The following IRF2BP1 variants were observed in gnomAD, a reference collection of about 807,000 sequenced individuals.
IRF2BP1 encodes interferon regulatory factor 2-binding protein 1.
In IRF2BP1, 9 loss-of-function variants were observed where a neutral mutation model predicts 38.6. The ratio of observed to expected loss-of-function variants is 0.23; its 90% CI spans 0.14 to 0.41. The LOEUF is 0.41. Among genes scored for constraint, IRF2BP1 ranks in the 10% least tolerant of loss-of-function variants. The probability of loss-of-function intolerance (pLI) is 1.00; values close to 1 mark genes in which losing one functional copy is unlikely to be tolerated. For missense variants in IRF2BP1, 631 were observed against 829.6 expected, an observed-to-expected ratio of 0.76 and a Z score of 2.94; for synonymous variants, 416 against 383.4, an observed-to-expected ratio of 1.08 and a Z score of -0.99.
At position 45,883,833 on chromosome 19, in the gene IRF2BP1, G is replaced by T; in HGVS notation, c.*187C>A. Reference sequence around the variant, plus strand: ...CCAAGGGACCCCAAACACCCCCTCGGACAGGAGCCACAAGCTTTCTCCCCC... The same window carrying T: ...CCAAGGGACCCCAAACACCCCCTCGTACAGGAGCCACAAGCTTTCTCCCCC... On this transcript the variant is annotated 3_prime_UTR_variant, in exon 1 of 1. Coordinates refer to ENST00000302165, the MANE Select transcript of IRF2BP1 (RefSeq NM_015649.3). 1 of 536,870 alleles carries T rather than the reference G, an allele frequency of 1.9e-6. No individual in the cohort carries two copies. Among genetic ancestry groups the T allele is most frequent in the Non-Finnish European group, 3.2e-6 (1 of 313,550 alleles). 33.3% of individuals were successfully genotyped at this position (536,870 alleles called of 1,614,324 possible).
chr19:45,884,869 C>T lies in IRF2BP1; in HGVS notation c.906G>A (p.Arg302=), dbSNP rs756320956. Residue 302 remains arginine (R), a synonymous_variant, in exon 1 of 1, where the codon CGG becomes CGA. Transcript: ENST00000302165. ...AAGAAGCCAGTGCCTTGCCCGGCTC[C>T]CGCAGAGCATCGTGGAACATCTGGC... ...VARQMFHDAL[R]EPGKALASSG... 6.2e-7 allele frequency: 1 copy of T among 1,613,098 alleles called. No homozygotes were observed. Among genetic ancestry groups the T allele is most frequent in the Admixed American group, 1.7e-5 (1 of 60,034 alleles).
Position 45,885,411 on chromosome 19 carries a change from G to T in IRF2BP1, c.364C>A (p.Pro122Thr). The T allele has an allele frequency of 6.3e-7, 1 of 1,588,584 alleles. No individual in the cohort carries two copies. Reference protein sequence around the residue: ...YDRATSSGRLPLPSPALEYTL... With the variant: ...YDRATSSGRLTLPSPALEYTL... ...TACTCCAGGGCGGGCGAGGGCAGGG[G>T]GAGGCGGCCTGATGATGTGGCCCTG... The change falls in exon 1 of 1, where the codon CCC becomes ACC. Residue 122 changes from proline to threonine, a missense_variant. Transcript: ENST00000302165.
chr19:45,885,250 T>C lies in IRF2BP1; in HGVS notation c.525A>G (p.Gly175=). 6.2e-7 allele frequency: 1 copy of C among 1,603,622 alleles called. No individual in the cohort carries two copies. The highest frequency in any genetic ancestry group is 8.5e-7 in the Non-Finnish European group (1 of 1,179,924). The change falls in exon 1 of 1, where the codon GGA becomes GGG. Residue 175 remains glycine (G), a synonymous_variant. Coordinates refer to ENST00000302165, the MANE Select transcript of IRF2BP1 (RefSeq NM_015649.3). ...CGGGTGCCAGCGTCAGGCCTCGGCT[T>C]CCCAGGCCAGACACTGCAGCTGCCA... The part of the protein sequence containing the change: ...GLLAAAVSGL[G]SRGLTLAPGL...
chr19:45,884,339 G>C lies in IRF2BP1; in HGVS notation c.1436C>G (p.Pro479Arg), dbSNP rs766213998. The C allele has an allele frequency of 8.7e-6, 14 of 1,609,682 alleles. No homozygotes were observed. The highest frequency in any genetic ancestry group is 1.2e-5 in the Non-Finnish European group (14 of 1,179,262). ...GCTGACAGCTTCGGCCCCCGCTGTG[G>C]GACTGACTTCTGCTTCGCCGTTGCG... ...VARNGEAEVS[P>R]TAGAEAVSGG... Residue 479 changes from proline to arginine, a missense_variant, in exon 1 of 1, where the codon CCC (proline) becomes CGC (arginine). This residue lies in a region of IRF2BP1 where 201 missense variants were observed against 215.3 expected (regional missense o/e 0.93). Coordinates refer to ENST00000302165, the MANE Select transcript of IRF2BP1 (RefSeq NM_015649.3).
In IRF2BP1 at chr19:45,885,207, G is replaced by T; in HGVS notation, c.568C>A (p.Pro190Thr). Residue 190 changes from proline to threonine, a missense_variant, in exon 1 of 1, where the codon CCC (proline) becomes ACC (threonine). Coordinates refer to ENST00000302165, the MANE Select transcript of IRF2BP1 (RefSeq NM_015649.3). ...TLAPGLSPAR[P>T]LFGSDFEKEK... Reference sequence around the variant, plus strand: ...TTCTCGAAATCGGAGCCGAAGAGGGGACGGGCAGGACTCAAGCCGGGTGCC... The same window carrying T: ...TTCTCGAAATCGGAGCCGAAGAGGGTACGGGCAGGACTCAAGCCGGGTGCC... The T allele has an allele frequency of 3.1e-6, 5 of 1,606,990 alleles. No homozygotes were observed. In the East Asian group the frequency reaches 8.9e-5, roughly 29 times the overall value.
chr19:45,885,770 G>T lies in IRF2BP1; in HGVS notation c.5C>A (p.Ala2Glu). 6.4e-7 allele frequency: 1 copy of T among 1,560,114 alleles called. No homozygotes were observed. The highest frequency in any genetic ancestry group is 2.5e-5 in the East Asian group (1 of 39,510). Residue 2 changes from alanine (A) to glutamate (E), a missense_variant, in exon 1 of 1, where the codon GCG becomes GAG. Physicochemically the swap from Ala to Glu is moderately radical, Grantham distance 107 (BLOSUM62 -1). Transcript: ENST00000302165. The stretch of plus-strand genomic sequence containing the variant: ...CTGGCGGCGGGACGCCTGCACAGAC[G>T]CCATGGCCCCAGTCCGCGCGCCGCC... MASVQASRRQWC... is the reference protein window; with the variant it reads MESVQASRRQWC...
At position 45,884,318 on chromosome 19, in the gene IRF2BP1, A is replaced by G. The variant is rs185506125; in HGVS notation, c.1457T>C (p.Val486Ala). Reference protein sequence around the residue: ...EVSPTAGAEAVSGGGSGTGAT... With the variant: ...EVSPTAGAEAASGGGSGTGAT... ...CCCAGTGCCGCTGCCACCCCCGCTG[A>G]CAGCTTCGGCCCCCGCTGTGGGACT... The change falls in exon 1 of 1, where the codon GTC becomes GCC. Residue 486 changes from valine to alanine, a missense_variant. This residue lies in a region of IRF2BP1 where 201 missense variants were observed against 215.3 expected (regional missense o/e 0.93). Transcript: ENST00000302165. 4 of 1,610,450 alleles carry G rather than the reference A, an allele frequency of 2.5e-6. No homozygotes were observed. In the African/African-American group the frequency reaches 5.3e-5, roughly 21 times the overall value.
In IRF2BP1 at chr19:45,884,964, C is replaced by T; in HGVS notation, c.811G>A (p.Glu271Lys). 2 of 1,613,432 alleles carry T rather than the reference C, an allele frequency of 1.2e-6. No individual in the cohort carries two copies. The highest frequency in any genetic ancestry group is 1.1e-5 in the South Asian group (1 of 91,084). The change falls in exon 1 of 1, where the codon GAG (glutamate) becomes AAG (lysine). Residue 271 changes from glutamate (E) to lysine (K), a missense_variant. Around this residue, in one of 5 missense-constraint regions of IRF2BP1, gnomAD observed 133 missense variants for 232.2 expected, o/e 0.57. Transcript: ENST00000302165. ...ATARPPGYEF[E>K]LKLFTEYPCG... ...GGGTATTCGGTGAAGAGCTTCAGCT[C>T]GAACTCGTATCCTGGAGGACGGGCA...
Position 45,884,439 on chromosome 19 carries a change from G to A in IRF2BP1, c.1336C>T (p.Pro446Ser). The change falls in exon 1 of 1, where the codon CCT becomes TCT. Residue 446 changes from proline to serine, a missense_variant. Pro to Ser is a moderately conservative substitution (Grantham distance 74). Coordinates refer to ENST00000302165, the MANE Select transcript of IRF2BP1 (RefSeq NM_015649.3). ...SPKDPGGGGG[P>S]VRAGGASPAA... ...GGGCTGGCGCCCCCTGCACGCACAG[G>A]CCCCCCGCCTCCGCCAGGGTCCTTG... 6.3e-7 allele frequency: 1 copy of A among 1,595,924 alleles called. No individual in the cohort carries two copies. Among genetic ancestry groups the A allele is most frequent in the Non-Finnish European group, 8.5e-7 (1 of 1,176,870 alleles).
In IRF2BP1 at chr19:45,884,920, C is replaced by T. The variant is rs1967035398; in HGVS notation, c.855G>A (p.Val285=). The T allele has an allele frequency of 6.2e-7, 1 of 1,613,252 alleles. No individual in the cohort carries two copies. The change falls in exon 1 of 1, where the codon GTG becomes GTA. Residue 285 remains valine, a synonymous_variant. Coordinates refer to ENST00000302165, the MANE Select transcript of IRF2BP1 (RefSeq NM_015649.3). ...GAGCCACTGCCAGGACGCCGGCGTA[C>T]ACATTGCCGGAACCACAGGGGTATT... ...FTEYPCGSGN[V]YAGVLAVARQ...
rs771460063 is a variant in IRF2BP1 at position 45,885,114 on chromosome 19, C to T, written c.661G>A (p.Glu221Lys). 6 of 1,611,648 alleles carry T rather than the reference C, an allele frequency of 3.7e-6. No individual in the cohort carries two copies. The highest frequency in any genetic ancestry group is 5.1e-6 in the Non-Finnish European group (6 of 1,180,036). The change falls in exon 1 of 1, where the codon GAA becomes AAA. Residue 221 changes from glutamate to lysine, a missense_variant. By Grantham distance (56) the Glu-to-Lys change is moderately conservative. This residue lies in a region of IRF2BP1 where 133 missense variants were observed against 232.2 expected (regional missense o/e 0.57). Transcript: ENST00000302165. Reference sequence around the variant, plus strand: ...ACTGCTTTGGGGCGCCCGTGCCATTCCTCTGCCCGGCCTCGCATGGCCTCG... The same window carrying T: ...ACTGCTTTGGGGCGCCCGTGCCATTTCTCTGCCCGGCCTCGCATGGCCTCG... Reference protein sequence around the residue: ...LNEAMRGRAEEWHGRPKAVRE... With the variant: ...LNEAMRGRAEKWHGRPKAVRE...
In IRF2BP1 at chr19:45,884,966, A is replaced by C. The variant is rs748940206; in HGVS notation, c.809T>G (p.Phe270Cys). Residue 270 changes from phenylalanine (F) to cysteine (C), a missense_variant, in exon 1 of 1, where the codon TTC (phenylalanine) becomes TGC (cysteine). Phe to Cys is a radical substitution (Grantham distance 205). This residue lies in a region of IRF2BP1 where 133 missense variants were observed against 232.2 expected (regional missense o/e 0.57). Coordinates refer to ENST00000302165, the MANE Select transcript of IRF2BP1 (RefSeq NM_015649.3). ...GTATTCGGTGAAGAGCTTCAGCTCG[A>C]ACTCGTATCCTGGAGGACGGGCAGT... ...DATARPPGYE[F>C]ELKLFTEYPC... 6.2e-7 allele frequency: 1 copy of C among 1,613,438 alleles called. No homozygotes were observed. Among genetic ancestry groups the C allele is most frequent in the Non-Finnish European group, 8.5e-7 (1 of 1,180,034 alleles).
rs1568638916 is a variant in IRF2BP1, at chr19:45,885,945, C to G, written c.-171G>C. ...GCCCCCCTTCCCCGCCCCCTGGGCCCTAAGCCTTTCTGCTCACTCCCGCCT... is the reference window on the plus strand; with the variant it reads ...GCCCCCCTTCCCCGCCCCCTGGGCCGTAAGCCTTTCTGCTCACTCCCGCCT... On this transcript the variant is annotated 5_prime_UTR_variant, in exon 1 of 1. Coordinates refer to ENST00000302165, the MANE Select transcript of IRF2BP1 (RefSeq NM_015649.3). 2 of 729,310 alleles carry G rather than the reference C, an allele frequency of 2.7e-6. No homozygotes were observed. The highest frequency in any genetic ancestry group is 2.0e-6 in the Non-Finnish European group (1 of 495,602). The allele number at this position is 729,310 out of a possible 1,614,324, so 45.2% of individuals were successfully genotyped here. A position where few individuals can be genotyped will look rare whatever the true frequency, so the allele number is the denominator to read the frequency against.
chr19:45,885,420 C>T lies in IRF2BP1; in HGVS notation c.355G>A (p.Gly119Ser), dbSNP rs1328462931. Residue 119 changes from glycine (G) to serine (S), a missense_variant, in exon 1 of 1, where the codon GGC (glycine) becomes AGC (serine). Around this residue, in one of 5 missense-constraint regions of IRF2BP1, gnomAD observed 206 missense variants for 207.0 expected, o/e 1.00. Coordinates refer to ENST00000302165, the MANE Select transcript of IRF2BP1 (RefSeq NM_015649.3). ...QDRYDRATSS[G>S]RLPLPSPALE... ...GCGGGCGAGGGCAGGGGGAGGCGGC[C>T]TGATGATGTGGCCCTGTCATAGCGG... is the stretch of plus-strand genomic sequence containing the variant. 4 of 1,578,964 alleles carry T rather than the reference C, an allele frequency of 2.5e-6. No homozygotes were observed. The highest frequency in any genetic ancestry group is 3.4e-6 in the Non-Finnish European group (4 of 1,163,490).
rs777259929 is a variant in IRF2BP1 at position 45,884,389 on chromosome 19, C to A, written c.1386G>T (p.Pro462=). Residue 462 remains proline, a synonymous_variant, in exon 1 of 1, where the codon CCG becomes CCT. Transcript: ENST00000302165. ...GGGCCACAAGGCGATGCTGGGTTGG[C>A]GGCTGGGCCGTGGAGGAGGCTGCAG... ...ASPAASSTAQ[P]PTQHRLVARN... The A allele has an allele frequency of 6.9e-6, 11 of 1,603,932 alleles. No individual in the cohort carries two copies. Among genetic ancestry groups the A allele is most frequent in the South Asian group, 1.1e-5 (1 of 90,742 alleles).
Position 45,885,309 on chromosome 19 carries a change from C to G in IRF2BP1, c.466G>C (p.Gly156Arg). The G allele has an allele frequency of 6.2e-7, 1 of 1,604,946 alleles. No homozygotes were observed. The highest frequency in any genetic ancestry group is 8.5e-7 in the Non-Finnish European group (1 of 1,179,868). ...VAEGARRALL[G>R]SMPGLMPPGL... is the part of the protein sequence containing the mutation. Reference sequence around the variant, plus strand: ...GGGGGCATCAAGCCAGGCATGGAGCCAAGCAAGGCCCTTCGCGCCCCCTCA... The same window carrying G: ...GGGGGCATCAAGCCAGGCATGGAGCGAAGCAAGGCCCTTCGCGCCCCCTCA... The change falls in exon 1 of 1, where the codon GGC becomes CGC. Residue 156 changes from glycine to arginine, a missense_variant. Gly to Arg is a moderately radical substitution (Grantham distance 125). Transcript: ENST00000302165.
chr19:45,884,785 C>T lies in IRF2BP1; in HGVS notation c.990G>A (p.Leu330=), dbSNP rs1447966398. ...GGACGCCGTCGGTAAGCAGCTCGCC[C>T]AGCTGCCGCCATTCTCCTGATCCAT... ...RRHGSGEWRQ[L]GELLTDGVRS... Residue 330 remains leucine, a synonymous_variant, in exon 1 of 1, where the codon CTG becomes CTA. Coordinates refer to ENST00000302165, the MANE Select transcript of IRF2BP1 (RefSeq NM_015649.3). 6.2e-7 allele frequency: 1 copy of T among 1,612,612 alleles called. No homozygotes were observed. Among genetic ancestry groups the T allele is most frequent in the South Asian group, 1.1e-5 (1 of 91,086 alleles).
rs1464904653 is a variant in IRF2BP1, at chr19:45,884,548, G to A, written c.1227C>T (p.Gly409=). 1.9e-6 allele frequency: 3 copies of A among 1,599,674 alleles called. No individual in the cohort carries two copies. Among genetic ancestry groups the A allele is most frequent in the Middle Eastern group, 3.3e-4 (2 of 6,056 alleles). Residue 409 remains glycine, a synonymous_variant, in exon 1 of 1, where the codon GGC becomes GGT. Transcript: ENST00000302165. ...EQQQRHWVAP[G]GPYSAETPGV... ...CAGGGGTCTCAGCGGAGTACGGGCCGCCGGGTGCCACCCAGTGCCGTTGCT... is the reference window on the plus strand; with the variant it reads ...CAGGGGTCTCAGCGGAGTACGGGCCACCGGGTGCCACCCAGTGCCGTTGCT...
Position 45,884,009 on chromosome 19 carries a change from G to A in IRF2BP1, c.*11C>T. The A allele has an allele frequency of 2.6e-6, 4 of 1,548,202 alleles. No homozygotes were observed. The highest frequency in any genetic ancestry group is 1.4e-5 in the African/African-American group (1 of 73,520). On this transcript the variant is annotated 3_prime_UTR_variant, in exon 1 of 1. Coordinates refer to ENST00000302165, the MANE Select transcript of IRF2BP1 (RefSeq NM_015649.3). ...AGGGGCAGAGGGCAGTAGCCTGGAG[G>A]CAGTGGTAGCCTAGGGGTCCCGTTC...
Sources: allele counts gnomAD v4.1 joint callset, GRCh38; gene constraint gnomAD v4.1.1; regional missense constraint gnomAD v4.1.1; transcripts MANE v1.5; gene names NCBI Gene and HGNC (gene_info 2026-07-23, HGNC 2026-07-21).